The following ARAP3 variants were observed in gnomAD, a reference collection of about 807,000 sequenced individuals.
ARAP3 encodes arf-GAP with Rho-GAP domain, ANK repeat and PH domain-containing protein 3.
In ARAP3, 82 loss-of-function variants were observed where a neutral mutation model predicts 169.2. The ratio of observed to expected loss-of-function variants is 0.48; its 90% CI spans 0.41 to 0.58. ARAP3 has a LOEUF of 0.58. Among genes scored for constraint, ARAP3 ranks in the 20% least tolerant of loss-of-function variants. The pLI, the probability that ARAP3 is intolerant of heterozygous loss-of-function variation, is 0.00. For missense variants in ARAP3, 1,764 were observed against 2,018.0 expected (o/e 0.87, Z 2.41); for synonymous variants, 791 against 800.3 (o/e 0.99, Z 0.20).
At position 141,670,615 on chromosome 5, in the gene ARAP3, A is replaced by G. The variant is rs774287091; in HGVS notation, c.2004T>C (p.Gly668=). ...PGLLPSDPSP[G]VYNEVVVRAT... ...CACGCACCACCACCTCATTGTACACACCAGGGGAGGGGTCTGCAAGGGGAA... is the reference window on the plus strand; with the variant it reads ...CACGCACCACCACCTCATTGTACACGCCAGGGGAGGGGTCTGCAAGGGGAA... Residue 668 remains glycine (G), a synonymous_variant, in exon 14 of 33, where the codon GGT becomes GGC. Coordinates refer to ENST00000239440, the MANE Select transcript of ARAP3 (RefSeq NM_022481.6). 6.2e-7 allele frequency: 1 copy of G among 1,613,776 alleles called. No homozygotes were observed. The highest frequency in any genetic ancestry group is 8.5e-7 in the Non-Finnish European group (1 of 1,179,768).
Position 141,670,532 on chromosome 5 carries a change from G to A in ARAP3, c.2087C>T (p.Pro696Leu). Residue 696 changes from proline to leucine, a missense_variant, in exon 14 of 33, where the codon CCC (proline) becomes CTC (leucine). Physicochemically the swap from Pro to Leu is moderately conservative, Grantham distance 98 (BLOSUM62 -3). Around this residue, in one of 3 missense-constraint regions of ARAP3, gnomAD observed 1,112 missense variants for 1,285.7 expected, o/e 0.86. Transcript: ENST00000239440. ...CTCACCATCCCGGCCCCTGCGAGGG[G>A]GTGAGGGTCCAGCTTTGTTGCTGAC... ...SPVSNKAGPS[P>L]PRRGRDAPPR... 1 of 1,614,022 alleles carries A rather than the reference G, an allele frequency of 6.2e-7. No homozygotes were observed. The highest frequency in any genetic ancestry group is 1.1e-5 in the South Asian group (1 of 91,076).
rs543101279 is a variant in ARAP3, at chr5:141,673,035, G to A, written c.1071C>T (p.Phe357=). The part of the protein sequence containing the change: ...KFQVITGQRV[F]VFRTESEAQR... The stretch of plus-strand genomic sequence containing the variant: ...CACCCTCGCTCTCTGTGCGGAACAC[G>A]AACACCCTCTGGCCGGTGATGACCT... Residue 357 remains phenylalanine, a synonymous_variant, in exon 7 of 33, where the codon TTC becomes TTT. Coordinates refer to ENST00000239440, the MANE Select transcript of ARAP3 (RefSeq NM_022481.6). 5.6e-6 allele frequency: 9 copies of A among 1,614,086 alleles called. No homozygotes were observed. Among genetic ancestry groups the A allele is most frequent in the Admixed American group, 1.7e-5 (1 of 60,022 alleles).
intron 4 of ARAP3, among the ~76,000 whole-genome samples, chr5:141,677,848 G>A (rs1253170059): frequency 1.3e-5 from 2 of 151,980 alleles, no homozygotes; most frequent in Non-Finnish European, 2.9e-5. Flanking sequence ...GCAGTGGCAT[G>A]ATCTTGACTT....
chr5:141,654,223 G>T lies in ARAP3; in HGVS notation c.4362C>A (p.Ser1454Arg). The change falls in exon 33 of 33, where the codon AGC becomes AGA. Residue 1454 changes from serine to arginine, a missense_variant. By Grantham distance (110) the Ser-to-Arg change is moderately radical. Around this residue, in one of 3 missense-constraint regions of ARAP3, gnomAD observed 1,112 missense variants for 1,285.7 expected, o/e 0.86. Transcript: ENST00000239440. ...SLDQPFLSKSSTLGQEERPPE... is the reference protein window; with the variant it reads ...SLDQPFLSKSRTLGQEERPPE... Reference sequence around the variant, plus strand: ...GTGGCCTCTCCTCCTGGCCAAGGGTGCTTGACTTGGAGAGAAAGGGTTGAT... The same window carrying T: ...GTGGCCTCTCCTCCTGGCCAAGGGTTCTTGACTTGGAGAGAAAGGGTTGAT... The T allele has an allele frequency of 6.2e-7, 1 of 1,614,172 alleles. No individual in the cohort carries two copies. The highest frequency in any genetic ancestry group is 8.5e-7 in the Non-Finnish European group (1 of 1,180,020).
rs1359684631 is a variant in ARAP3, at chr5:141,654,050, G to A, written c.4535C>T (p.Pro1512Leu). The A allele has an allele frequency of 6.2e-7, 1 of 1,601,702 alleles. No homozygotes were observed. Among genetic ancestry groups the A allele is most frequent in the South Asian group, 1.1e-5 (1 of 89,162 alleles). Residue 1512 changes from proline to leucine, a missense_variant, in exon 33 of 33, where the codon CCC becomes CTC. Physicochemically the swap from Pro to Leu is moderately conservative, Grantham distance 98. Around this residue, in one of 3 missense-constraint regions of ARAP3, gnomAD observed 1,112 missense variants for 1,285.7 expected, o/e 0.86. Transcript: ENST00000239440. Reference sequence around the variant, plus strand: ...AAGGCCAGTGGGGCTGGGGGATTGGGGGCTGGATGGCTGGGAAGGACTTCC... The same window carrying A: ...AAGGCCAGTGGGGCTGGGGGATTGGAGGCTGGATGGCTGGGAAGGACTTCC... ...GLGSPSQPSS[P>L]QSPSPTGLPT...
Position 141,673,767 on chromosome 5 carries a change from T to C in ARAP3, c.740A>G (p.Tyr247Cys). 6.2e-7 allele frequency: 1 copy of C among 1,614,168 alleles called. No individual in the cohort carries two copies. Among genetic ancestry groups the C allele is most frequent in the Non-Finnish European group, 8.5e-7 (1 of 1,180,030 alleles). The change falls in exon 5 of 33, where the codon TAT (tyrosine) becomes TGT (cysteine). Residue 247 changes from tyrosine to cysteine, a missense_variant. Coordinates refer to ENST00000239440, the MANE Select transcript of ARAP3 (RefSeq NM_022481.6). ...GTCTCCAGGTAGCTCAAGGCTGGCA[T>C]AGCCAGCATCCTCCCGTGCCTCCAG... ...QDLEAREDAG[Y>C]ASLELPGDST...
Position 141,680,447 on chromosome 5 carries a change from C to T in ARAP3, c.40G>A (p.Ala14Thr), listed in dbSNP as rs1389306421. Residue 14 changes from alanine to threonine, a missense_variant, in exon 2 of 33, where the codon GCC becomes ACC. Physicochemically the swap from Ala to Thr is moderately conservative, Grantham distance 58. Around this residue, in one of 3 missense-constraint regions of ARAP3, gnomAD observed 630 missense variants for 678.7 expected, o/e 0.93. Transcript: ENST00000239440. ...PQDLDIAVWLATVHLEQYADT... is the reference protein window; with the variant it reads ...PQDLDIAVWLTTVHLEQYADT... The stretch of plus-strand genomic sequence containing the variant: ...GCATACTGCTCCAGGTGCACCGTGG[C>T]CAGCCACACAGCGATGTCCAGGTCC... The T allele has an allele frequency of 6.2e-7, 1 of 1,608,974 alleles. No individual in the cohort carries two copies. The highest frequency in any genetic ancestry group is 1.1e-5 in the South Asian group (1 of 90,994).
intron 16 of ARAP3, among the ~76,000 whole-genome samples, chr5:141,668,614 GGAGACTTAAACCTGGTT>G (rs2099911006): frequency 1.3e-5 from 2 of 152,168 alleles, no homozygotes; most frequent in Non-Finnish European, 2.9e-5. Flanking sequence ...AATAATGAGA[GGAGACTTAAACCTGGTT>G]GGGAGGGCCA....
intron 4 of ARAP3, 23 bp downstream of exon 4, chr5:141,679,522 C>A: frequency 6.2e-7 from 1 of 1,608,708 alleles, no homozygotes; most frequent in South Asian, 1.1e-5. Context: ...CTCCCTCCCA[C>A]CACTTCCCTA....
intron 16 of ARAP3, among the ~76,000 whole-genome samples, chr5:141,667,956 C>T (rs1199112896): frequency 6.6e-6 from 1 of 151,704 alleles, no homozygotes; most frequent in African/African-American, 2.4e-5. Context: ...GCAAGAGAAT[C>T]GCTTGAACCC....
intron 25 of ARAP3, 119 bp from the exon 26 acceptor site, chr5:141,656,965 G>C (rs1325309768): frequency 2.9e-5 from 40 of 1,371,470 alleles, no homozygotes; most frequent in Non-Finnish European, 3.7e-5. Flanking sequence ...ATTTTTCACT[G>C]TCTCTATGCC....
In ARAP3 at chr5:141,673,674, C is replaced by T; in HGVS notation, c.833G>A (p.Ser278Asn). The T allele has an allele frequency of 6.2e-7, 1 of 1,614,216 alleles. No homozygotes were observed. The highest frequency in any genetic ancestry group is 8.5e-7 in the Non-Finnish European group (1 of 1,180,046). Residue 278 changes from serine to asparagine, a missense_variant, in exon 5 of 33, where the codon AGC becomes AAC. Physicochemically the swap from Ser to Asn is conservative, Grantham distance 46. Coordinates refer to ENST00000239440, the MANE Select transcript of ARAP3 (RefSeq NM_022481.6). ...TSDDLISPYA[S>N]FSFTADRLTP... ...GAGGCGGTCTGCCGTGAAGGAGAAG[C>T]TGGCATAGGGTGAAATGAGGTCATC... is the stretch of plus-strand genomic sequence containing the variant.
At chr5:141,679,219 G>T (rs1302305864) in intron 4 of ARAP3, among the ~76,000 whole-genome samples, 3 of 152,154 alleles carry the variant, frequency 2.0e-5, no homozygotes, top group Non-Finnish European at 4.4e-5. Flanking sequence ...AACCCAGGAG[G>T]GGGAGGTTGC....
At position 141,670,017 on chromosome 5, in the gene ARAP3, A is replaced by T. The variant is rs1336948101; in HGVS notation, c.2154T>A (p.Phe718Leu). 6.3e-7 allele frequency: 1 copy of T among 1,598,034 alleles called. No individual in the cohort carries two copies. Among genetic ancestry groups the T allele is most frequent in the Admixed American group, 1.9e-5 (1 of 53,598 alleles). The change falls in exon 15 of 33, where the codon TTT becomes TTA. Residue 718 changes from phenylalanine (F) to leucine (L), a missense_variant. Transcript: ENST00000239440. ...WCVLGAALEM[F>L]ASENSPEPLS... ...GGGGTTCAGGGCTGTTTTCCGATGC[A>T]AACATTTCCAGAGCTGCTCCCAGCA...
Position 141,665,094 on chromosome 5 carries a change from C to G in ARAP3, c.2637-9G>C. 6.2e-7 allele frequency: 1 copy of G among 1,605,812 alleles called. No individual in the cohort carries two copies. The highest frequency in any genetic ancestry group is 8.5e-7 in the Non-Finnish European group (1 of 1,174,896). On this transcript the variant is annotated splice_polypyrimidine_tract_variant and intron_variant, in intron 18 of 32. Transcript: ENST00000239440. ...CTTGCAGATACAGGGTCCTGAGACC[C>G]CAGAGGCCTGAATCAGAGCCAGCTC... is the stretch of plus-strand genomic sequence containing the variant.
In ARAP3 at chr5:141,673,113, C is replaced by G; in HGVS notation, c.993G>C (p.Val331=). 1.2e-6 allele frequency: 2 copies of G among 1,614,186 alleles called. No homozygotes were observed. The highest frequency in any genetic ancestry group is 2.2e-5 in the South Asian group (2 of 91,086). The change falls in exon 7 of 33, where the codon GTG becomes GTC. Residue 331 remains valine (V), a synonymous_variant. Coordinates refer to ENST00000239440, the MANE Select transcript of ARAP3 (RefSeq NM_022481.6). ...TCATCTCAATGGCAGTCAAAGGTATCACACCCTTAGGGAAGGGGTCCTGGA... is the reference window on the plus strand; with the variant it reads ...TCATCTCAATGGCAGTCAAAGGTATGACACCCTTAGGGAAGGGGTCCTGGA... ...GSDKDPFPKG[V]IPLTAIEMTR...
chr5:141,666,559 T>C lies in ARAP3; in HGVS notation c.2437A>G (p.Thr813Ala). ...GRLWLRSPSH[T>A]APAPGLWLSG... ...AGCCAGAGACCAGGGGCCGGGGCTG[T>C]ATGGGAGGGGGACCGCAGCCATAGG... Residue 813 changes from threonine to alanine, a missense_variant, in exon 17 of 33, where the codon ACA becomes GCA. Physicochemically the swap from Thr to Ala is moderately conservative, Grantham distance 58 (BLOSUM62 0). Transcript: ENST00000239440. The C allele has an allele frequency of 2.5e-6, 4 of 1,575,632 alleles. No individual in the cohort carries two copies. Among genetic ancestry groups the C allele is most frequent in the Non-Finnish European group, 2.6e-6 (3 of 1,162,340 alleles).
intron 21 of ARAP3, among the ~76,000 whole-genome samples, chr5:141,661,427 T>A (rs530777264): frequency 6.6e-6 from 1 of 152,306 alleles, no homozygotes; most frequent in South Asian, 2.1e-4. Context: ...CATTACTTCC[T>A]TTTAGAAATG....
chr5:141,663,685 G>A (rs752550551), intron 19 of ARAP3, among the ~76,000 whole-genome samples: 1 of 152,204 alleles, frequency 6.6e-6, no homozygotes, highest in Non-Finnish European at 1.5e-5. Context: ...TGTAGCGAGT[G>A]GGGGAGGTCA....
Sources: allele counts gnomAD v4.1 joint callset (sites outside exome capture counted in the v4.1 genomes callset), GRCh38; gene constraint gnomAD v4.1.1; regional missense constraint gnomAD v4.1.1; transcripts MANE v1.5; gene names NCBI Gene and HGNC (gene_info 2026-07-23, HGNC 2026-07-21).